Variants in AGRN observed in about 807,000 individuals in gnomAD.
The protein encoded by AGRN is agrin proteoglycan.
AGRN carries 106 observed loss-of-function variants against 211.0 expected under a neutral mutation model. The ratio of observed to expected loss-of-function variants is 0.50; its 90% confidence interval spans 0.43 to 0.59. AGRN has a LOEUF of 0.59. Among genes scored for constraint, AGRN ranks in the 20% least tolerant of loss-of-function variants. The pLI is 0.00. For synonymous variants in AGRN, 1,525 were observed against 1,332.5 expected (o/e 1.14, Z -3.15); for missense variants, 3,040 against 2,982.6 (o/e 1.02, Z -0.45).
intron 2 of AGRN, among the ~76,000 whole-genome samples, chr1:1,033,709 C>G (rs1161211498): frequency 1.5e-5 from 2 of 132,612 alleles, no homozygotes; most frequent in African/African-American, 5.7e-5. Context: ...CCCAGTCCCA[C>G]CCCCAGTCCC....
chr1:1,043,358 T>C lies in AGRN; in HGVS notation c.1504T>C (p.Cys502Arg). Residue 502 changes from cysteine (C) to arginine (R), a missense_variant, in exon 8 of 36, where the codon TGC (cysteine) becomes CGC (arginine). By Grantham distance (180) the Cys-to-Arg change is radical. This residue lies in a region of AGRN where 1,498 missense variants were observed against 1,457.8 expected (regional missense o/e 1.03). Coordinates refer to ENST00000379370, the MANE Select transcript of AGRN (RefSeq NM_198576.4). ...QACSSLYDPV[C>R]GSDGVTYGSA... ...GTGCTCGAGCCTCTACGATCCTGTG[T>C]GCGGCAGCGACGGCGTCACATACGG... 6.2e-7 allele frequency: 1 copy of C among 1,610,578 alleles called. No individual in the cohort carries two copies. The highest frequency in any genetic ancestry group is 8.5e-7 in the Non-Finnish European group (1 of 1,179,066).
chr1:1,051,511 T>G lies in AGRN; in HGVS notation c.5429T>G (p.Val1810Gly), dbSNP rs779652444. The change falls in exon 32 of 36, where the codon GTC (valine) becomes GGC (glycine). Residue 1810 changes from valine (V) to glycine (G), a missense_variant. This residue lies in a region of AGRN where 1,537 missense variants were observed against 1,505.0 expected (regional missense o/e 1.02). Transcript: ENST00000379370. ...GAGCACGTGCTGCGGCAGGTGGACGTCACGTCCTTTGCAGGTCACCCCTGC... is the reference window on the plus strand; with the variant it reads ...GAGCACGTGCTGCGGCAGGTGGACGGCACGTCCTTTGCAGGTCACCCCTGC... The part of the protein sequence containing the change: ...TPEHVLRQVD[V>G]TSFAGHPCTR... The G allele has an allele frequency of 3.2e-6, 5 of 1,566,410 alleles. No individual in the cohort carries two copies. Among genetic ancestry groups the G allele is most frequent in the Non-Finnish European group, 3.5e-6 (4 of 1,158,542 alleles).
chr1:1,034,743 C>T (rs902471384), intron 2 of AGRN: 2 of 1,008,074 alleles, frequency 2.0e-6, no homozygotes, highest in Non-Finnish European at 2.4e-6. Context: ...GGCCAAGCCC[C>T]AACCCCGAGG....
chr1:1,042,207 C>A lies in AGRN; in HGVS notation c.1384+45C>A, dbSNP rs376234981. On this transcript the variant is annotated intron_variant, in intron 7 of 35. Transcript: ENST00000379370. ...GGCCAGGCGGGGTGGGCTGCTCCTG[C>A]GTCAGTCCCTGCCTGGACATCACAT... The A allele has an allele frequency of 3.2e-6, 5 of 1,557,170 alleles. No individual in the cohort carries two copies. The African/African-American group carries it at 5.4e-5, about 17-fold the overall frequency.
At chr1:1,053,290 C>A in intron 33 of AGRN, 3 of 473,908 alleles carry the variant, frequency 6.3e-6, no homozygotes, top group Non-Finnish European at 3.5e-6. Context: ...CGTGTCCGCA[C>A]AAGCATGTGT....
intron 30 of AGRN, 154 bp downstream of exon 30, chr1:1,050,991 C>T: frequency 1.3e-6 from 2 of 1,550,538 alleles, no homozygotes; most frequent in Non-Finnish European, 1.7e-6. Context: ...TCCCTGCTCT[C>T]TGCTCTCGCT....
chr1:1,050,395 A>G, intron 28 of AGRN, 32 bp from the exon 29 acceptor site: 1 of 1,612,758 alleles, frequency 6.2e-7, no homozygotes. Flanking sequence ...GGGAGGGGAC[A>G]GCAAAGACAC....
At chr1:1,022,849 C>G (rs889501797) in intron 2 of AGRN, among the ~76,000 whole-genome samples, 1 of 152,248 alleles carries the variant, frequency 6.6e-6, no homozygotes, top group Non-Finnish European at 1.5e-5. Context: ...GCCCGCGTGT[C>G]GAGCACTCCT....
At chr1:1,054,707 C>T (rs144626290) in intron 35 of AGRN, 117 bp from the exon 36 acceptor site, 47 of 1,489,932 alleles carry the variant, frequency 3.2e-5, no homozygotes, top group Non-Finnish European at 4.1e-5. Flanking sequence ...GTTCCCAGTG[C>T]TGTGGGGCCG....
Position 1,045,984 on chromosome 1 carries a change from T to C in AGRN, c.2701T>C (p.Cys901Arg). Residue 901 changes from cysteine (C) to arginine (R), a missense_variant, in exon 16 of 36, where the codon TGT becomes CGT. By Grantham distance (180) the Cys-to-Arg change is radical. This residue lies in a region of AGRN where 1,498 missense variants were observed against 1,457.8 expected (regional missense o/e 1.03). Coordinates refer to ENST00000379370, the MANE Select transcript of AGRN (RefSeq NM_198576.4). ...CEADASAPAT[C>R]AEMRCEFGAR... ...CCCAGACGCTTCTGCGCCTGCGACC[T>C]GTGCGGAGATGCGCTGTGAGTTCGG... 6.2e-7 allele frequency: 1 copy of C among 1,613,898 alleles called. No homozygotes were observed. The highest frequency in any genetic ancestry group is 8.5e-7 in the Non-Finnish European group (1 of 1,180,004).
At chr1:1,044,303 T>C in intron 11 of AGRN, 31 bp from the exon 12 acceptor site, 1 of 1,611,622 alleles carries the variant, frequency 6.2e-7, no homozygotes, top group Non-Finnish European at 8.5e-7. Flanking sequence ...GGGACGGGGC[T>C]GCGGCCGCTC....
chr1:1,049,534 G>C, intron 25 of AGRN, 32 bp from the exon 26 acceptor site: 1 of 1,590,936 alleles, frequency 6.3e-7, no homozygotes, highest in Non-Finnish European at 8.5e-7. Flanking sequence ...TGTGGCCCCT[G>C]AGCCCTGACC....
Position 1,051,486 on chromosome 1 carries a change from G to A in AGRN, c.5404G>A (p.Glu1802Lys). 1 of 1,570,562 alleles carries A rather than the reference G, an allele frequency of 6.4e-7. No individual in the cohort carries two copies. Among genetic ancestry groups the A allele is most frequent in the Non-Finnish European group, 8.6e-7 (1 of 1,162,026 alleles). Residue 1802 changes from glutamate (E) to lysine (K), a missense_variant, in exon 32 of 36, where the codon GAG becomes AAG. By Grantham distance (56) the Glu-to-Lys change is moderately conservative. This residue lies in a region of AGRN where 1,537 missense variants were observed against 1,505.0 expected (regional missense o/e 1.02). Coordinates refer to ENST00000379370, the MANE Select transcript of AGRN (RefSeq NM_198576.4). ...CGGAGGCCGCCAGCTGCTGACCCCG[G>A]AGCACGTGCTGCGGCAGGTGGACGT... ...SLGGRQLLTP[E>K]HVLRQVDVTS...
At chr1:1,027,117 G>A (rs913912920) in intron 2 of AGRN, among the ~76,000 whole-genome samples, 3 of 152,210 alleles carry the variant, frequency 2.0e-5, no homozygotes, top group African/African-American at 7.2e-5. Flanking sequence ...AAAGGGAGAC[G>A]GCCCCTCCCA....
At chr1:1,023,165 T>TG (rs1021309463) in intron 2 of AGRN, among the ~76,000 whole-genome samples, 3 of 151,870 alleles carry the variant, frequency 2.0e-5, no homozygotes, top group Non-Finnish European at 2.9e-5. Flanking sequence ...GATGTGTCGG[T>TG]GGGGGGGTCT....
rs542660796 is a variant in AGRN at position 1,044,420 on chromosome 1, G to A, written c.2235G>A (p.Ala745=). 14 of 1,610,786 alleles carry A rather than the reference G, an allele frequency of 8.7e-6. No homozygotes were observed. The highest frequency in any genetic ancestry group is 6.7e-5 in the East Asian group (3 of 44,742). ...RCESQRGLYV[A]AQGACRGPTF... is the part of the protein sequence containing the mutation. ...AGTCACAGCGAGGGCTCTACGTAGC[G>A]GCCCAGGGAGCCTGCCGAGGTGAGC... Residue 745 remains alanine, a synonymous_variant, in exon 12 of 36, where the codon GCG becomes GCA. Transcript: ENST00000379370.
chr1:1,034,447 C>G (rs918049548), intron 2 of AGRN: 3 of 985,602 alleles, frequency 3.0e-6, no homozygotes, highest in Non-Finnish European at 2.4e-6. Context: ...CTGCTGTCCG[C>G]CGCCCCAGGG....
chr1:1,052,185 C>G, intron 33 of AGRN: 2 of 810,586 alleles, frequency 2.5e-6, no homozygotes, highest in Non-Finnish European at 3.5e-6. Context: ...GAAGTGCAGT[C>G]GCCCCTCCCA....
intron 35 of AGRN, 76 bp from the exon 36 acceptor site, chr1:1,054,748 C>G: frequency 4.6e-6 from 7 of 1,526,044 alleles, no homozygotes; most frequent in Non-Finnish European, 6.2e-6. Flanking sequence ...GGGCCCCCTG[C>G]TGGTCACCTG....
Sources: gnomAD v4.1 joint callset for allele counts (sites outside exome capture counted in the v4.1 genomes callset) on GRCh38, gnomAD v4.1.1 for gene constraint, gnomAD v4.1.1 regional missense constraint, MANE v1.5 for transcripts, NCBI Gene and HGNC (gene_info 2026-07-23, HGNC 2026-07-21) for gene names.